Variants in MAF observed in about 807,000 individuals in gnomAD.
MAF encodes the protein transcription factor Maf.
MAF carries 10 observed loss-of-function variants against 22.0 expected under a neutral mutation model. The observed-to-expected ratio is 0.45, with a 90% CI of 0.28 to 0.77. The LOEUF is 0.77. Among genes scored for constraint, MAF ranks in the 30% least tolerant of loss-of-function variants. MAF has a pLI of 0.12. For synonymous variants in MAF, 337 were observed against 255.8 expected (o/e 1.32, Z -3.03); for missense variants, 544 against 548.4 (o/e 0.99, Z 0.08).
At chr16:79,403,874 T>C in the MAF span, among the ~76,000 whole-genome samples, 1 of 152,162 alleles carries the variant, frequency 6.6e-6, no homozygotes, top group African/African-American at 2.4e-5. Flanking sequence ...CCTTTCTTTG[T>C]GGCATGGATG....
chr16:79,268,354 G>A, the MAF span, among the ~76,000 whole-genome samples: 1 of 152,144 alleles, frequency 6.6e-6, no homozygotes, highest in African/African-American at 2.4e-5. Flanking sequence ...GCTCCTGGCT[G>A]CAGGATTTTG....
chr16:79,423,377 A>G, the MAF span, among the ~76,000 whole-genome samples: 1 of 152,104 alleles, frequency 6.6e-6, no homozygotes, highest in Non-Finnish European at 1.5e-5. Flanking sequence ...GGAAGATGTG[A>G]TGTGATGTCA....
At chr16:79,571,084 A>G in the MAF span, among the ~76,000 whole-genome samples, 1 of 150,014 alleles carries the variant, frequency 6.7e-6, no homozygotes, top group Admixed American at 6.7e-5. Context: ...AGTTTGCTCC[A>G]CCCTGAGGAA....
chr16:79,399,743 G>C, the MAF span, among the ~76,000 whole-genome samples: 2 of 152,152 alleles, frequency 1.3e-5, no homozygotes, highest in Non-Finnish European at 2.9e-5. Flanking sequence ...TGCACCTGCT[G>C]TCTTACCTGG....
At chr16:79,541,027 C>A in the MAF span, among the ~76,000 whole-genome samples, 10 of 151,872 alleles carry the variant, frequency 6.6e-5, no homozygotes, top group Non-Finnish European at 1.3e-4. Flanking sequence ...CACACTACTA[C>A]GGTTACTACT....
At chr16:79,276,393 A>T in the MAF span, among the ~76,000 whole-genome samples, 1 of 152,174 alleles carries the variant, frequency 6.6e-6, no homozygotes, top group Non-Finnish European at 1.5e-5. Flanking sequence ...ATGTTTACCC[A>T]GCGTTCTGTG....
At chr16:79,547,830 T>G in the MAF span, among the ~76,000 whole-genome samples, 1 of 152,146 alleles carries the variant, frequency 6.6e-6, no homozygotes, top group African/African-American at 2.4e-5. Flanking sequence ...GTCTCCTCTG[T>G]AGCAAACTCA....
At chr16:79,379,822 G>T in the MAF span, among the ~76,000 whole-genome samples, 1 of 152,146 alleles carries the variant, frequency 6.6e-6, no homozygotes, top group African/African-American at 2.4e-5. Context: ...AAAGCTCTGT[G>T]CTTGAGGAGG....
chr16:79,540,300 G>A, the MAF span, among the ~76,000 whole-genome samples: 1 of 151,846 alleles, frequency 6.6e-6, no homozygotes, highest in Non-Finnish European at 1.5e-5. Context: ...CATCGAGATT[G>A]CAGTTAGGGC....
chr16:79,248,848 T>A, the MAF span, among the ~76,000 whole-genome samples: 1 of 152,184 alleles, frequency 6.6e-6, no homozygotes, highest in Non-Finnish European at 1.5e-5. Context: ...TTAAGTTACT[T>A]GGTTAGTCAA....
chr16:79,449,121 C>T, the MAF span, among the ~76,000 whole-genome samples: 3 of 152,318 alleles, frequency 2.0e-5, no homozygotes, highest in East Asian at 5.8e-4. Context: ...AGACTCCTGG[C>T]ATGCACAGTT....
chr16:79,262,666 T>C, the MAF span, among the ~76,000 whole-genome samples: 1 of 152,086 alleles, frequency 6.6e-6, no homozygotes, highest in Non-Finnish European at 1.5e-5. Flanking sequence ...CTTACAGTCT[T>C]ACAGTTCCTT....
chr16:79,261,609 A>G, the MAF span, among the ~76,000 whole-genome samples: 1 of 152,182 alleles, frequency 6.6e-6, no homozygotes, highest in Non-Finnish European at 1.5e-5. Context: ...GCCTCTATAG[A>G]GGAGACAATT....
At chr16:79,440,152 A>G in the MAF span, among the ~76,000 whole-genome samples, 1 of 152,236 alleles carries the variant, frequency 6.6e-6, no homozygotes. Flanking sequence ...GGATGCAGGA[A>G]GGAAGCAATA....
chr16:79,572,265 T>C, the MAF span, among the ~76,000 whole-genome samples: 1 of 152,160 alleles, frequency 6.6e-6, no homozygotes, highest in Non-Finnish European at 1.5e-5. Flanking sequence ...AAGAGGTGTG[T>C]GGAGGGACGT....
At chr16:79,414,292 G>C in the MAF span, among the ~76,000 whole-genome samples, 1 of 152,184 alleles carries the variant, frequency 6.6e-6, no homozygotes, top group Non-Finnish European at 1.5e-5. Flanking sequence ...GAAGCATGGT[G>C]CCAGCATCTG....
chr16:79,264,341 T>C, the MAF span: 2 of 152,186 alleles, frequency 1.3e-5, no homozygotes, highest in Non-Finnish European at 2.9e-5. Flanking sequence ...GCTAAACACA[T>C]TGGGTGTGTT....
At chr16:79,335,155 A>C in the MAF span, among the ~76,000 whole-genome samples, 1 of 150,032 alleles carries the variant, frequency 6.7e-6, no homozygotes, top group Non-Finnish European at 1.5e-5. Context: ...ACTGCACTCC[A>C]GCCTGGCGAC....
the MAF span, among the ~76,000 whole-genome samples, chr16:79,523,797 G>A: frequency 2.6e-5 from 4 of 152,172 alleles, no homozygotes; most frequent in African/African-American, 4.8e-5. Context: ...CATGCGCATC[G>A]TTATCCAGCA....
Sources: allele counts gnomAD v4.1 joint callset (sites outside exome capture counted in the v4.1 genomes callset), GRCh38; gene constraint gnomAD v4.1.1; transcripts MANE v1.5; gene names NCBI Gene and HGNC (gene_info 2026-07-23, HGNC 2026-07-21).